The following KIF27 variants were observed in gnomAD, a reference collection of about 807,000 sequenced individuals.
KIF27 encodes kinesin-like protein KIF27.
In KIF27, 84 loss-of-function variants were observed where a neutral mutation model predicts 141.8. The ratio of observed to expected loss-of-function variants is 0.59; its 90% CI spans 0.50 to 0.71. The LOEUF is 0.71. Ranked by LOEUF, KIF27 falls within the 30% of genes least tolerant of loss-of-function variation. The probability of loss-of-function intolerance (pLI) is 0.00; values close to 1 mark genes in which losing one functional copy is unlikely to be tolerated. For missense variants in KIF27, 1,306 were observed against 1,628.4 expected, an observed-to-expected ratio of 0.80 and a Z score of 3.41; for synonymous variants, 471 against 569.5, an observed-to-expected ratio of 0.83 and a Z score of 2.46.
chr9:83,899,417 T>C (rs1229136834), intron 5 of KIF27, among the ~76,000 whole-genome samples: 1 of 152,222 alleles, frequency 6.6e-6, no homozygotes, highest in Non-Finnish European at 1.5e-5. Flanking sequence ...CATGATATGA[T>C]TTATAAATTA....
At chr9:83,859,605 C>T in intron 13 of KIF27, 1 of 459,540 alleles carries the variant, frequency 2.2e-6, no homozygotes, top group Non-Finnish European at 3.9e-6. Flanking sequence ...AACCTCAGCT[C>T]ACTGCAACCT....
chr9:83,916,642 AACT>A (rs1455639719), intron 1 of KIF27, among the ~76,000 whole-genome samples: 1 of 151,450 alleles, frequency 6.6e-6, no homozygotes, highest in East Asian at 1.9e-4. Flanking sequence ...AATAATTGGT[AACT>A]ACATTTACAA....
intron 16 of KIF27, among the ~76,000 whole-genome samples, chr9:83,842,933 C>T (rs1276019565): frequency 2.0e-5 from 3 of 152,104 alleles, no homozygotes; most frequent in East Asian, 3.9e-4. Flanking sequence ...CATCCTACCC[C>T]CTACCAACCC....
intron 2 of KIF27, among the ~76,000 whole-genome samples, chr9:83,909,528 C>G (rs1487932744): frequency 1.3e-5 from 2 of 150,274 alleles, no homozygotes; most frequent in Non-Finnish European, 2.9e-5. Flanking sequence ...GCAAGAGAAT[C>G]ACTTGAAGCT....
intron 2 of KIF27, among the ~76,000 whole-genome samples, chr9:83,911,632 C>T (rs1424309546): frequency 1.3e-5 from 2 of 152,114 alleles, no homozygotes; most frequent in Non-Finnish European, 2.9e-5. Context: ...CAGCCTCTGC[C>T]TCCCAGGTTC....
chr9:83,841,101 G>A (rs1368875466), intron 17 of KIF27, among the ~76,000 whole-genome samples: 4 of 150,820 alleles, frequency 2.7e-5, no homozygotes, highest in South Asian at 4.2e-4. Flanking sequence ...ACAGAGTTTC[G>A]CTCTTGTTGC....
intron 10 of KIF27, 68 bp downstream of exon 10, chr9:83,883,745 C>G: frequency 9.3e-7 from 1 of 1,071,032 alleles, no homozygotes; most frequent in Non-Finnish European, 1.4e-6. Flanking sequence ...TCTTTCCTAA[C>G]TCAGTACAAG....
At chr9:83,894,217 G>A (rs1952950919) in intron 5 of KIF27, among the ~76,000 whole-genome samples, 1 of 152,122 alleles carries the variant, frequency 6.6e-6, no homozygotes, top group South Asian at 2.1e-4. Context: ...CCAGGTATAG[G>A]GGGAATTAAA....
At chr9:83,888,371 C>A in intron 8 of KIF27, 118 bp downstream of exon 8, 2 of 446,478 alleles carry the variant, frequency 4.5e-6, no homozygotes, top group Non-Finnish European at 8.0e-6. Flanking sequence ...ACTAGGAAAG[C>A]ATTTGTACCA....
At chr9:83,866,879 A>G (rs1191006482) in intron 13 of KIF27, among the ~76,000 whole-genome samples, 1 of 152,030 alleles carries the variant, frequency 6.6e-6, no homozygotes, top group African/African-American at 2.4e-5. Context: ...AATGAAGTAT[A>G]TAATTCAATG....
chr9:83,836,677 A>G lies in KIF27; in HGVS notation c.*324T>C. On this transcript the variant is annotated 3_prime_UTR_variant, in exon 18 of 18. Coordinates refer to ENST00000297814, the MANE Select transcript of KIF27 (RefSeq NM_017576.4). ...TTATGATGTACATTTATATTATATA[A>G]TAATACATACTTGATAGATATTTTA... is the stretch of plus-strand genomic sequence containing the variant. 1 of 196,968 alleles carries G rather than the reference A, an allele frequency of 5.1e-6. No individual in the cohort carries two copies. The highest frequency in any genetic ancestry group is 1.1e-4 in the South Asian group (1 of 9,344). 12.2% of individuals were successfully genotyped at this position (196,968 alleles called of 1,614,324 possible).
In KIF27 at chr9:83,903,498, G is replaced by A. The variant is rs1954151965; in HGVS notation, c.1020C>T (p.Asn340=). ...NSLKYANRAR[N]IRNKPTVNFS... ...AGTTTACAGTGGGTTTGTTTCTAAT[G>A]TTCCGTGCTCTGTTGGCATATTTGA... is the stretch of plus-strand genomic sequence containing the variant. The change falls in exon 4 of 18, where the codon AAC becomes AAT. Residue 340 remains asparagine, a synonymous_variant. Transcript: ENST00000297814. 1 of 1,613,956 alleles carries A rather than the reference G, an allele frequency of 6.2e-7. No homozygotes were observed. The highest frequency in any genetic ancestry group is 1.3e-5 in the African/African-American group (1 of 74,864).
rs199804209 is a variant in KIF27, at chr9:83,843,497, T to TA, written c.3557-1097dup. 4.3e-3 allele frequency among the ~76,000 whole-genome samples: 651 copies of TA among 152,300 alleles called. 9 individuals are homozygous for TA. The highest frequency in any genetic ancestry group is 0.015 in the African/African-American group (620 of 41,544). The stretch of plus-strand genomic sequence containing the variant: ...CTACTGGTTTGTGATTTTCTTTGGT[T>TA]ACAATTGGCTGTTTTGTAGAATTTT... On this transcript the variant is annotated intron_variant, in intron 16 of 17. Transcript: ENST00000297814.
At chr9:83,902,503 T>C (rs1193072741) in intron 4 of KIF27, among the ~76,000 whole-genome samples, 3 of 152,216 alleles carry the variant, frequency 2.0e-5, no homozygotes, top group Non-Finnish European at 4.4e-5. Flanking sequence ...ATGTAACATG[T>C]ATACATGTAT....
intron 14 of KIF27, among the ~76,000 whole-genome samples, chr9:83,856,558 T>C (rs141961027): frequency 6.6e-6 from 1 of 151,908 alleles, no homozygotes; most frequent in African/African-American, 2.4e-5. Flanking sequence ...TTGGCCAACA[T>C]GGTGAAACCC....
In KIF27 at chr9:83,880,139, C is replaced by T. The variant is rs955683399; in HGVS notation, c.2643+158G>A. On this transcript the variant is annotated intron_variant, in intron 11 of 17. Transcript: ENST00000297814. ...AAAATTCAATAAGTAGGTTTTACTACGTAGATGAACAAAGCTTTAAAGTGA... is the reference window on the plus strand; with the variant it reads ...AAAATTCAATAAGTAGGTTTTACTATGTAGATGAACAAAGCTTTAAAGTGA... The T allele has an allele frequency of 1.3e-5, 14 of 1,081,136 alleles. No homozygotes were observed. The African/African-American group carries it at 1.6e-4, about 12-fold the overall frequency. The allele number at this position is 1,081,136 out of a possible 1,614,324, so 67.0% of individuals were successfully genotyped here.
rs191490148 is a variant in KIF27, at chr9:83,906,735, C to A, written c.499+1717G>T. Among the ~76,000 whole-genome samples, 1,181 of 139,860 alleles carry A rather than the reference C, an allele frequency of 8.4e-3. 16 individuals carry two copies. Among genetic ancestry groups the A allele is most frequent in the African/African-American group, 0.031 (1,145 of 37,310 alleles). The allele number at this position is 139,860 out of a possible 152,430, so 91.8% of individuals were successfully genotyped here. A position where few individuals can be genotyped will look rare whatever the true frequency, so the allele number is the denominator to read the frequency against. On this transcript the variant is annotated intron_variant, in intron 3 of 17. Transcript: ENST00000297814. Reference sequence around the variant, plus strand: ...TCCAGCCTGGCTGACAGAGGTAAGACCCTGTCTCCAAAAAAAAAAAAAAAA... The same window carrying A: ...TCCAGCCTGGCTGACAGAGGTAAGAACCTGTCTCCAAAAAAAAAAAAAAAA...
chr9:83,903,228 T>C lies in KIF27; in HGVS notation c.1290A>G (p.Arg430=). 1 of 1,614,142 alleles carries C rather than the reference T, an allele frequency of 6.2e-7. No homozygotes were observed. Among genetic ancestry groups the C allele is most frequent in the South Asian group, 1.1e-5 (1 of 91,078 alleles). Residue 430 remains arginine, a synonymous_variant, in exon 4 of 18, where the codon AGA becomes AGG. Coordinates refer to ENST00000297814, the MANE Select transcript of KIF27 (RefSeq NM_017576.4). The part of the protein sequence containing the change: ...TFLVDLKDTV[R]LNEKQQHKLQ... ...GTTTGTGTTGCTGCTTTTCGTTTAG[T>C]CTGACAGTATCTTTTAGGTCAACCA...
intron 4 of KIF27, among the ~76,000 whole-genome samples, chr9:83,901,104 G>A (rs181361027): frequency 1.5e-3 from 232 of 152,160 alleles, no homozygotes; most frequent in African/African-American, 5.2e-3. Flanking sequence ...GACCACAGGC[G>A]TATGCCACCA....
Sources: allele counts gnomAD v4.1 joint callset (sites outside exome capture counted in the v4.1 genomes callset), GRCh38; gene constraint gnomAD v4.1.1; transcripts MANE v1.5; gene names NCBI Gene and HGNC (gene_info 2026-07-23, HGNC 2026-07-21).